The following LIPA variants were observed in gnomAD, a reference collection of about 807,000 sequenced individuals.
LIPA encodes the protein lipase A, lysosomal acid type.
A neutral mutation model predicts 40.6 loss-of-function variants in LIPA; 26 were observed. The observed-to-expected ratio is 0.64, with a 90% CI of 0.47 to 0.89. The LOEUF (loss-of-function observed/expected upper bound fraction) is 0.89, where lower values mean the gene tolerates loss of function less well. Among genes scored for constraint, LIPA ranks in the 40% least tolerant of loss-of-function variants. The pLI is 0.00. For missense variants in LIPA, 455 were observed against 479.6 expected, an observed-to-expected ratio of 0.95 and a Z score of 0.48; for synonymous variants, 188 against 168.4, an observed-to-expected ratio of 1.12 and a Z score of -0.90.
At chr10:89,339,646 GCATA>G (rs1380002130) in intron 1 of LIPA, 1 of 1,614,200 alleles carries the variant, frequency 6.2e-7, no homozygotes, top group East Asian at 2.2e-5. Flanking sequence ...TCCTCTGAAT[GCATA>G]CTCCGATCTC....
intron 2 of LIPA, among the ~76,000 whole-genome samples, chr10:89,385,650 C>T (rs1479298703): frequency 1.3e-5 from 2 of 152,190 alleles, no homozygotes; most frequent in Non-Finnish European, 2.9e-5. Context: ...AGTTCTACAG[C>T]ATTCTAGCTG....
intron 1 of LIPA, chr10:89,338,268 T>A: frequency 5.6e-6 from 1 of 177,134 alleles, no homozygotes; most frequent in South Asian, 1.3e-4. Flanking sequence ...GATGGTGTAG[T>A]CCCAGTCCAA....
chr10:89,339,340 T>C (rs1363380252), intron 1 of LIPA: 4 of 1,613,624 alleles, frequency 2.5e-6, no homozygotes, highest in Non-Finnish European at 3.4e-6. Context: ...AGGAGAGCAG[T>C]TTGTTGAAGA....
At chr10:89,365,507 A>G (rs1844050150) in intron 2 of LIPA, among the ~76,000 whole-genome samples, 1 of 152,170 alleles carries the variant, frequency 6.6e-6, no homozygotes, top group Non-Finnish European at 1.5e-5. Context: ...CTGGAGTTTT[A>G]GACATGAAAT....
intron 1 of LIPA, among the ~76,000 whole-genome samples, chr10:89,313,097 C>A (rs1223502232): frequency 6.6e-6 from 1 of 152,172 alleles, no homozygotes; most frequent in Non-Finnish European, 1.5e-5. Flanking sequence ...CAGTATTTCT[C>A]AGACTTTAAT....
upstream of LIPA, among the ~76,000 whole-genome samples, chr10:89,345,642 C>G (rs929450477): frequency 6.6e-6 from 1 of 151,858 alleles, no homozygotes; most frequent in Non-Finnish European, 1.5e-5. Flanking sequence ...AATATAAAAA[C>G]TAAAATAATA....
intron 1 of LIPA, among the ~76,000 whole-genome samples, chr10:89,288,115 C>A (rs1448402344): frequency 6.6e-6 from 1 of 152,150 alleles, no homozygotes; most frequent in East Asian, 1.9e-4. Context: ...GTCCAAATTT[C>A]TTCTTCATCT....
rs768784173 is a variant in LIPA at position 89,403,277 on chromosome 10, A to G, written c.61+9514T>C. On this transcript the variant is annotated intron_variant, in intron 2 of 8. Transcript: ENST00000371837. ...TATTTCATTTTGAATCTGCAGTGGA[A>G]AAAAAGCCCACATTTGAGGTGGCTC... 8.1e-6 allele frequency: 13 copies of G among 1,614,056 alleles called. No homozygotes were observed. In the South Asian group the frequency reaches 1.4e-4, roughly 18 times the overall value.
intron 3 of LIPA, among the ~76,000 whole-genome samples, chr10:89,243,163 TA>T (rs1160904532): frequency 1.3e-5 from 2 of 152,216 alleles, no homozygotes; most frequent in Admixed American, 6.5e-5. Context: ...TATTTGCCTT[TA>T]AACACCGGAA....
intron 1 of LIPA, among the ~76,000 whole-genome samples, chr10:89,251,131 G>A (rs1843113413): frequency 6.6e-6 from 1 of 152,176 alleles, no homozygotes; most frequent in Non-Finnish European, 1.5e-5. Flanking sequence ...CTTGCGAGGC[G>A]CCAGCCACCG....
chr10:89,340,135 G>A, intron 1 of LIPA: 1 of 1,570,056 alleles, frequency 6.4e-7, no homozygotes. Context: ...CTGAGACAGA[G>A]GAGGAAAACA....
chr10:89,260,461 G>A (rs1284080510), intron 1 of LIPA, among the ~76,000 whole-genome samples: 2 of 152,240 alleles, frequency 1.3e-5, no homozygotes, highest in East Asian at 3.8e-4. Context: ...TTATGGATGA[G>A]AGGTTGGGTA....
intron 2 of LIPA, among the ~76,000 whole-genome samples, chr10:89,386,931 G>A (rs1589629417): frequency 6.9e-6 from 1 of 145,280 alleles, no homozygotes; most frequent in East Asian, 2.0e-4. Context: ...GAGTTTATGA[G>A]TCTGTGGGTA....
At chr10:89,307,655 G>A (rs1325136965) in intron 1 of LIPA, 3 of 315,272 alleles carry the variant, frequency 9.5e-6, no homozygotes, top group African/African-American at 6.2e-5. Flanking sequence ...TGTAACATTT[G>A]CTTAGTCACC....
intron 1 of LIPA, among the ~76,000 whole-genome samples, chr10:89,336,158 A>G (rs1424051356): frequency 1.5e-5 from 2 of 135,944 alleles, no homozygotes; most frequent in Non-Finnish European, 3.2e-5. Context: ...GGGAGGGAGG[A>G]AGGGAGGGAG....
At chr10:89,234,048 C>G (rs2133445277) in intron 3 of LIPA, among the ~76,000 whole-genome samples, 1 of 152,338 alleles carries the variant, frequency 6.6e-6, no homozygotes, top group East Asian at 1.9e-4. Context: ...TAGAACACCA[C>G]TCAGGAAGTC....
At chr10:89,308,527 C>A (rs1024179965) in intron 1 of LIPA, 1 of 152,004 alleles carries the variant, frequency 6.6e-6, no homozygotes, top group Non-Finnish European at 1.5e-5. Context: ...CTTTTAACTC[C>A]GAAAATCTTC....
chr10:89,234,610 G>T (rs1589563448), intron 3 of LIPA, among the ~76,000 whole-genome samples: 1 of 152,170 alleles, frequency 6.6e-6, no homozygotes, highest in Non-Finnish European at 1.5e-5. Context: ...GCCAACTGTT[G>T]CCAGCTTCTC....
chr10:89,354,019 T>C (rs1247338972), intron 2 of LIPA, among the ~76,000 whole-genome samples: 1 of 152,208 alleles, frequency 6.6e-6, no homozygotes, highest in African/African-American at 2.4e-5. Context: ...TAATAAACTT[T>C]CTCTCCTGCT....
Sources: gnomAD v4.1 joint callset for allele counts (sites outside exome capture counted in the v4.1 genomes callset) on GRCh38, gnomAD v4.1.1 for gene constraint, MANE v1.5 for transcripts, NCBI Gene and HGNC (gene_info 2026-07-23, HGNC 2026-07-21) for gene names.